Variants in BRCC3 observed in about 807,000 individuals in gnomAD.
BRCC3 encodes the protein lys-63-specific deubiquitinase BRCC36.
BRCC3 carries 15 observed loss-of-function variants against 28.0 expected under a neutral mutation model. The observed-to-expected ratio is 0.54, with a 90% CI of 0.36 to 0.82. The LOEUF (loss-of-function observed/expected upper bound fraction) is 0.82. Among genes scored for constraint, BRCC3 ranks in the 40% least tolerant of loss-of-function variants. The probability of loss-of-function intolerance (pLI) is 0.01; values close to 1 mark genes in which losing one functional copy is unlikely to be tolerated. For synonymous variants in BRCC3, 66 were observed against 80.3 expected (o/e 0.82, Z 0.95); for missense variants, 109 against 225.9 (o/e 0.48, Z 3.32).
intron 1 of BRCC3, among the ~76,000 whole-genome samples, 196 bp downstream of exon 1, chrX:155,071,846 C>T (rs910912769): frequency 2.7e-5 from 3 of 111,863 alleles, no homozygotes; most frequent in African/African-American, 9.8e-5. Context: ...CTCCTGCGAG[C>T]CCCCGGCGGT....
intron 5 of BRCC3, among the ~76,000 whole-genome samples, chrX:155,087,429 G>T (rs1420073334): frequency 8.9e-6 from 1 of 111,970 alleles, no homozygotes; most frequent in Non-Finnish European, 1.9e-5. Context: ...CTGAGCTTAC[G>T]TGAGACATAC....
chrX:155,089,683 G>C (rs184759440), intron 6 of BRCC3, among the ~76,000 whole-genome samples: 153 of 111,868 alleles, frequency 1.4e-3, no homozygotes, highest in Non-Finnish European at 2.5e-3. Flanking sequence ...GTCAGTCCCA[G>C]TTTTACCCTA....
At chrX:155,088,418 A>G (rs1557295207) in intron 5 of BRCC3, among the ~76,000 whole-genome samples, 1 of 102,119 alleles carries the variant, frequency 9.8e-6, no homozygotes. Flanking sequence ...CAATGGCACC[A>G]TCTCGGCTCA....
At chrX:155,075,956 C>T (rs148636436) in intron 3 of BRCC3, among the ~76,000 whole-genome samples, 1,491 of 112,194 alleles carry the variant, frequency 0.013, 16 homozygotes, top group Middle Eastern at 0.032. Flanking sequence ...CTGTTCCCCC[C>T]ACTTCCCACA....
intron 7 of BRCC3, among the ~76,000 whole-genome samples, chrX:155,104,505 T>G (rs1421776602): frequency 1.8e-5 from 2 of 112,286 alleles, no homozygotes; most frequent in Non-Finnish European, 3.8e-5. Flanking sequence ...CTGTTGAAAA[T>G]AGATGCTATT....
chrX:155,106,596 C>T (rs2124295406), intron 7 of BRCC3, among the ~76,000 whole-genome samples: 1 of 112,559 alleles, frequency 8.9e-6, no homozygotes, highest in East Asian at 2.8e-4. Context: ...AAGAAAGATT[C>T]TGTATTCAGG....
chrX:155,094,133 CA>C (rs1265563985), intron 7 of BRCC3, among the ~76,000 whole-genome samples: 2 of 110,296 alleles, frequency 1.8e-5, no homozygotes, highest in Admixed American at 1.9e-4. Flanking sequence ...AGTGGTAGCT[CA>C]TTATTTGTGG....
chrX:155,076,008 G>A (rs2074038529), intron 3 of BRCC3, among the ~76,000 whole-genome samples: 1 of 112,193 alleles, frequency 8.9e-6, no homozygotes, highest in African/African-American at 3.2e-5. Context: ...TTTCTATGAA[G>A]ATTTTTTTCT....
intron 7 of BRCC3, among the ~76,000 whole-genome samples, chrX:155,100,749 A>G (rs2074241709): frequency 8.9e-6 from 1 of 112,002 alleles, no homozygotes; most frequent in Non-Finnish European, 1.9e-5. Flanking sequence ...TTTGATATTA[A>G]TAAACAGTTG....
Position 155,123,002 on chromosome X carries a change from A to C in BRCC3, c.*1798A>C, listed in dbSNP as rs1336489701. The C allele has an allele frequency of 9.0e-6, 1 of 111,398 alleles. No individual in the cohort carries two copies. Among genetic ancestry groups the C allele is most frequent in the East Asian group, 2.8e-4 (1 of 3,574 alleles). The allele number at this position is 111,398 out of a possible 1,213,427, so 9.2% of individuals were successfully genotyped here. A position where few individuals can be genotyped will look rare whatever the true frequency, so the allele number is the denominator to read the frequency against. On this transcript the variant is annotated 3_prime_UTR_variant, in exon 11 of 11. Coordinates refer to ENST00000330045, the MANE Select transcript of BRCC3 (RefSeq NM_001018055.3). ...CTTTACCTGTGCTGAAGTTGTATGG[A>C]CCTACATACACACAAATGAATGCAT...
intron 7 of BRCC3, among the ~76,000 whole-genome samples, chrX:155,111,741 G>GAAA (rs3085607): frequency 0.36 from 39,652 of 110,285 alleles, 6,053 homozygotes; most frequent in African/African-American, 0.58. Flanking sequence ...AGGGAGAAAG[G>GAAA]AAAAACAGAT....
rs1217741623 is a variant in BRCC3 at position 155,090,806 on chromosome X, G to C, written c.515G>C (p.Cys172Ser). The change falls in exon 7 of 11, where the codon TGC becomes TCC. Residue 172 changes from cysteine to serine, a missense_variant. By Grantham distance (112) the Cys-to-Ser change is moderately radical. This residue lies in a region of BRCC3 where 50 missense variants were observed against 115.2 expected (regional missense o/e 0.43). Transcript: ENST00000330045. Reference sequence around the variant, plus strand: ...TAGACTGGCCGGGTACTCTACACTTGCTTCCAATCCATACAGGCCCAAAAG... The same window carrying C: ...TAGACTGGCCGGGTACTCTACACTTCCTTCCAATCCATACAGGCCCAAAAG... ...NTKTGRVLYT[C>S]FQSIQAQKSS... The C allele has an allele frequency of 1.7e-6, 2 of 1,196,481 alleles. No individual in the cohort carries two copies. Among genetic ancestry groups the C allele is most frequent in the Non-Finnish European group, 2.3e-6 (2 of 885,886 alleles).
At chrX:155,075,276 C>T (rs1183585278) in intron 3 of BRCC3, among the ~76,000 whole-genome samples, 1 of 111,552 alleles carries the variant, frequency 9.0e-6, no homozygotes, top group South Asian at 3.6e-4. Flanking sequence ...TCTGATAATG[C>T]TAAGCCCACT....
At chrX:155,078,520 G>A (rs1006867555) in intron 4 of BRCC3, 96 bp from the exon 5 acceptor site, 1 of 599,037 alleles carries the variant, frequency 1.7e-6, no homozygotes. Context: ...CCATTAAATT[G>A]TAATAAGCTT....
intron 5 of BRCC3, among the ~76,000 whole-genome samples, chrX:155,085,350 T>C (rs1322353697): frequency 1.8e-5 from 2 of 112,749 alleles, no homozygotes; most frequent in Non-Finnish European, 3.7e-5. Context: ...AAGAAAACTG[T>C]TTCTTAAATA....
chrX:155,121,011 C>G (rs1602819276), intron 10 of BRCC3, among the ~76,000 whole-genome samples: 1 of 111,266 alleles, frequency 9.0e-6, no homozygotes, highest in East Asian at 2.8e-4. Context: ...GTTTTTGTTT[C>G]TCCCTCTCAT....
At chrX:155,085,786 GGCTTGA>G (rs1557294734) in intron 5 of BRCC3, among the ~76,000 whole-genome samples, 1 of 111,934 alleles carries the variant, frequency 8.9e-6, no homozygotes, top group African/African-American at 3.3e-5. Flanking sequence ...GCAGGGTCTT[GGCTTGA>G]GCCTTGGGGC....
At chrX:155,111,209 C>A (rs1250203574) in intron 7 of BRCC3, among the ~76,000 whole-genome samples, 3 of 111,227 alleles carry the variant, frequency 2.7e-5, no homozygotes, top group Non-Finnish European at 5.7e-5. Context: ...GTAAATTTTA[C>A]AACTGAAAAA....
intron 5 of BRCC3, among the ~76,000 whole-genome samples, chrX:155,081,137 C>T (rs1252869908): frequency 9.1e-6 from 1 of 110,475 alleles, no homozygotes; most frequent in Non-Finnish European, 1.9e-5. Context: ...TGGAGACCCA[C>T]CTGGCCAACA....
Sources: gnomAD v4.1 joint callset for allele counts (sites outside exome capture counted in the v4.1 genomes callset) on GRCh38, gnomAD v4.1.1 for gene constraint, gnomAD v4.1.1 regional missense constraint, MANE v1.5 for transcripts, NCBI Gene and HGNC (gene_info 2026-07-23, HGNC 2026-07-21) for gene names.